LSAMP: variants seen among roughly 807,000 people sequenced by gnomAD.
The protein encoded by LSAMP is limbic system-associated membrane protein.
In LSAMP, 7 loss-of-function variants were observed where a neutral mutation model predicts 38.6. The observed-to-expected ratio is 0.18, with a 90% CI of 0.10 to 0.34. LSAMP has a LOEUF of 0.34. Among genes scored for constraint, LSAMP ranks in the 10% least tolerant of loss-of-function variants. The pLI, the probability that LSAMP is intolerant of heterozygous loss-of-function variation, is 1.00. For missense variants in LSAMP, 313 were observed against 420.0 expected (o/e 0.75, Z 2.23); for synonymous variants, 154 against 166.8 (o/e 0.92, Z 0.59).
rs187320955 is a variant in LSAMP at position 116,146,973 on chromosome 3, A to T, written c.156-60417T>A. 9.5e-4 allele frequency among the ~76,000 whole-genome samples: 145 copies of T among 152,068 alleles called. 1 individual carries two copies. Among genetic ancestry groups the T allele is most frequent in the East Asian group, 5.8e-4 (3 of 5,150 alleles). On this transcript the variant is annotated intron_variant, in intron 1 of 6. Coordinates refer to ENST00000490035, the MANE Select transcript of LSAMP (RefSeq NM_002338.5). ...AACAAAATGAGCAAGATGACATTTAAGTGTCCTTACAAACTGGGGGTCCCA... is the reference window on the plus strand; with the variant it reads ...AACAAAATGAGCAAGATGACATTTATGTGTCCTTACAAACTGGGGGTCCCA...
At chr3:116,349,870 T>C (rs1355586079) in intron 1 of LSAMP, among the ~76,000 whole-genome samples, 1 of 151,964 alleles carries the variant, frequency 6.6e-6, no homozygotes, top group African/African-American at 2.4e-5. Flanking sequence ...TCCTGAAAGA[T>C]ATGAAGAGGT....
chr3:116,138,706 T>C (rs1334534468), intron 1 of LSAMP, among the ~76,000 whole-genome samples: 3 of 152,060 alleles, frequency 2.0e-5, no homozygotes, highest in African/African-American at 7.2e-5. Flanking sequence ...ATGTATTTAA[T>C]TTATAGAAAA....
intron 1 of LSAMP, among the ~76,000 whole-genome samples, chr3:116,176,509 C>A (rs9875621): frequency 0.5 from 75,853 of 151,936 alleles, 21,425 homozygotes; most frequent in East Asian, 0.74. Flanking sequence ...AAGCAACCAA[C>A]TAAAGAAGCC....
intron 1 of LSAMP, among the ~76,000 whole-genome samples, chr3:116,314,337 A>G (rs906010622): frequency 1.3e-5 from 2 of 152,238 alleles, no homozygotes; most frequent in Non-Finnish European, 2.9e-5. Context: ...GAATCCATGT[A>G]AAATCCTTAG....
At chr3:116,050,374 T>G (rs942128093) in intron 2 of LSAMP, among the ~76,000 whole-genome samples, 6 of 152,122 alleles carry the variant, frequency 3.9e-5, no homozygotes, top group Non-Finnish European at 7.3e-5. Context: ...CCCCTGCCTC[T>G]TGTCCAAATA....
At chr3:116,363,765 T>G (rs1418881680) in intron 1 of LSAMP, among the ~76,000 whole-genome samples, 1 of 149,314 alleles carries the variant, frequency 6.7e-6, no homozygotes, top group Admixed American at 6.7e-5. Context: ...AAAAACCACA[T>G]GATTATCTCA....
intron 2 of LSAMP, among the ~76,000 whole-genome samples, chr3:116,036,119 A>C (rs1394748423): frequency 6.6e-6 from 1 of 152,192 alleles, no homozygotes; most frequent in Non-Finnish European, 1.5e-5. Context: ...TCAGCCACTA[A>C]CATTAATGAC....
At chr3:116,273,685 T>TAG in intron 1 of LSAMP, among the ~76,000 whole-genome samples, 2 of 4,424 alleles carry the variant, frequency 4.5e-4, no homozygotes, top group Non-Finnish European at 1.6e-3. Flanking sequence ...GAAAGAGGCA[T>TAG]ATATATATAT....
At chr3:116,149,753 G>T (rs547931901) in intron 1 of LSAMP, among the ~76,000 whole-genome samples, 2 of 151,926 alleles carry the variant, frequency 1.3e-5, no homozygotes, top group African/African-American at 4.8e-5. Flanking sequence ...AGACTTTGTT[G>T]TAATGGTGAT....
chr3:116,062,038 A>T (rs1576340267), intron 2 of LSAMP, among the ~76,000 whole-genome samples: 2 of 152,224 alleles, frequency 1.3e-5, no homozygotes, highest in Non-Finnish European at 2.9e-5. Flanking sequence ...TGGAGCTTCC[A>T]ATCTATCTGT....
chr3:115,826,301 G>C (rs1303565918), intron 6 of LSAMP, among the ~76,000 whole-genome samples: 1 of 151,744 alleles, frequency 6.6e-6, no homozygotes, highest in Admixed American at 6.6e-5. Context: ...TTTTTTAGTA[G>C]AGACGGGGTT....
intron 1 of LSAMP, among the ~76,000 whole-genome samples, chr3:116,420,737 C>T (rs1029636572): frequency 1.3e-5 from 2 of 151,756 alleles, no homozygotes; most frequent in African/African-American, 2.4e-5. Flanking sequence ...ATTAGCCGGG[C>T]GTGGTGGTAT....
intron 3 of LSAMP, among the ~76,000 whole-genome samples, chr3:115,891,283 C>T (rs749339927): frequency 5.3e-5 from 8 of 151,970 alleles, no homozygotes; most frequent in Non-Finnish European, 1.0e-4. Flanking sequence ...ATTTGCTGTA[C>T]CCATCAAGAT....
rs573513205 is a variant in LSAMP at position 115,847,614 on chromosome 3, C to T, written c.649+4869G>A. Among the ~76,000 whole-genome samples, 7 of 152,292 alleles carry T rather than the reference C, an allele frequency of 4.6e-5. No individual in the cohort carries two copies. In the East Asian group the frequency reaches 1.4e-3, roughly 29 times the overall value. ...GAATCATGGGGGCAGTTCCCCCGTG[C>T]TGTTCTCGTGATAGTGAATGAGTTC... On this transcript the variant is annotated intron_variant, in intron 4 of 6. Coordinates refer to ENST00000490035, the MANE Select transcript of LSAMP (RefSeq NM_002338.5).
At chr3:116,097,078 T>A (rs1046175780) in intron 1 of LSAMP, among the ~76,000 whole-genome samples, 1 of 152,178 alleles carries the variant, frequency 6.6e-6, no homozygotes, top group African/African-American at 2.4e-5. Context: ...ACAGTAAAAT[T>A]AGTCTTGGAA....
chr3:116,019,891 T>C (rs1047933547), intron 2 of LSAMP, among the ~76,000 whole-genome samples: 2 of 152,222 alleles, frequency 1.3e-5, no homozygotes, highest in African/African-American at 4.8e-5. Context: ...CAAAGTAGTA[T>C]GATGAAAATA....
chr3:116,188,651 T>A (rs774785201), intron 1 of LSAMP, among the ~76,000 whole-genome samples: 1 of 152,212 alleles, frequency 6.6e-6, no homozygotes. Context: ...ATATTATGAA[T>A]CACTCCTGGG....
chr3:115,923,023 C>T (rs1937418427), intron 3 of LSAMP, among the ~76,000 whole-genome samples: 1 of 152,190 alleles, frequency 6.6e-6, no homozygotes, highest in Non-Finnish European at 1.5e-5. Flanking sequence ...CCTCTGAAAA[C>T]TTGAACACTG....
At chr3:116,225,790 C>T (rs2046335964) in intron 1 of LSAMP, among the ~76,000 whole-genome samples, 1 of 149,842 alleles carries the variant, frequency 6.7e-6, no homozygotes, top group African/African-American at 2.5e-5. Flanking sequence ...GTATTTAAAT[C>T]GTGAGCAAAA....
Sources: allele counts gnomAD v4.1 joint callset (sites outside exome capture counted in the v4.1 genomes callset), GRCh38; gene constraint gnomAD v4.1.1; transcripts MANE v1.5; gene names NCBI Gene and HGNC (gene_info 2026-07-23, HGNC 2026-07-21).